Variants in SYNE2 observed in about 807,000 individuals in gnomAD.
SYNE2 encodes the protein nesprin-2.
SYNE2 carries 431 observed loss-of-function variants against 856.3 expected under a neutral mutation model. That is an observed-to-expected ratio of 0.50 (90% CI 0.47 to 0.55). SYNE2 has a LOEUF of 0.55. Among genes scored for constraint, SYNE2 ranks in the 20% least tolerant of loss-of-function variants. The probability of loss-of-function intolerance (pLI) is 0.00; values close to 1 mark genes in which losing one functional copy is unlikely to be tolerated. For synonymous variants in SYNE2, 2,923 were observed against 2,872.3 expected (o/e 1.02, Z -0.56); for missense variants, 8,129 against 8,023.2 (o/e 1.01, Z -0.50).
At chr14:64,117,709 T>C (rs780045309) in intron 66 of SYNE2, among the ~76,000 whole-genome samples, 2 of 152,098 alleles carry the variant, frequency 1.3e-5, no homozygotes, top group Non-Finnish European at 2.9e-5. Context: ...TCACATGAGG[T>C]TGGGTGTGGA....
intron 83 of SYNE2, among the ~76,000 whole-genome samples, chr14:64,145,705 ACT>A (rs2098178809): frequency 6.6e-6 from 1 of 152,088 alleles, no homozygotes; most frequent in South Asian, 2.1e-4. Context: ...ATTTTAAGCA[ACT>A]CTAATGCAGA....
intron 8 of SYNE2, among the ~76,000 whole-genome samples, chr14:63,957,916 T>C (rs28685013): frequency 0.2 from 29,683 of 151,922 alleles, 3,300 homozygotes; most frequent in African/African-American, 0.31. Flanking sequence ...ATTATACATA[T>C]AAAGTATTTG....
At chr14:63,844,632 G>A (rs971204916) in intron 1 of SYNE2, among the ~76,000 whole-genome samples, 1 of 152,148 alleles carries the variant, frequency 6.6e-6, no homozygotes, top group Non-Finnish European at 1.5e-5. Flanking sequence ...ATTCATAAAT[G>A]AGAGTAGTTT....
intron 46 of SYNE2, 49 bp from the exon 47 acceptor site, chr14:64,049,562 G>A (rs748808200): frequency 6.3e-7 from 1 of 1,586,182 alleles, no homozygotes; most frequent in South Asian, 1.1e-5. Flanking sequence ...ATGAATTAAT[G>A]CATAAATAAG....
rs1426405123 is a variant in SYNE2 at position 64,021,980 on chromosome 14, A to C, written c.5476A>C (p.Asn1826His). 1 of 1,613,868 alleles carries C rather than the reference A, an allele frequency of 6.2e-7. No individual in the cohort carries two copies. The highest frequency in any genetic ancestry group is 8.5e-7 in the Non-Finnish European group (1 of 1,179,864). The change falls in exon 37 of 116, where the codon AAT becomes CAT. Residue 1826 changes from asparagine to histidine, a missense_variant. Physicochemically the swap from Asn to His is moderately conservative, Grantham distance 68. Coordinates refer to ENST00000555002, the MANE Select transcript of SYNE2 (RefSeq NM_182914.3). ...ATATGAAAGTGTCAGTGATTTATTT[A>C]ATACCAAAAAAAGTGTTTTGCAAGA... ...KQYESVSDLF[N>H]TKKSVLQDHF... is the part of the protein sequence containing the mutation.
chr14:64,012,658 A>G lies in SYNE2; in HGVS notation c.4728+2542A>G, dbSNP rs569025289. ...CTTTCCTTATTTTATTAAAATGAGAATTGTACCTCTAGTATATGGGTACTT... is the reference window on the plus strand; with the variant it reads ...CTTTCCTTATTTTATTAAAATGAGAGTTGTACCTCTAGTATATGGGTACTT... On this transcript the variant is annotated intron_variant, in intron 32 of 115. Transcript: ENST00000555002. 3.9e-4 allele frequency among the ~76,000 whole-genome samples: 59 copies of G among 152,344 alleles called. 1 individual carries two copies. Among genetic ancestry groups the G allele is most frequent in the African/African-American group, 1.3e-3 (53 of 41,590 alleles).
chr14:64,177,756 C>T (rs1417010327), intron 96 of SYNE2, among the ~76,000 whole-genome samples: 3 of 152,134 alleles, frequency 2.0e-5, no homozygotes, highest in Non-Finnish European at 4.4e-5. Flanking sequence ...CTGTCTGCTC[C>T]TCCTCTGTAA....
intron 25 of SYNE2, 103 bp from the exon 26 acceptor site, chr14:63,998,116 G>A (rs903146638): frequency 2.3e-6 from 2 of 860,674 alleles, no homozygotes; most frequent in Admixed American, 3.8e-5. Context: ...CCTGGTTTGA[G>A]GTATAAAGAA....
chr14:63,955,991 T>C (rs1345402524), intron 8 of SYNE2, among the ~76,000 whole-genome samples: 2 of 152,252 alleles, frequency 1.3e-5, no homozygotes, highest in Non-Finnish European at 1.5e-5. Context: ...CTTTGCTGAA[T>C]TGAATACTAG....
upstream of SYNE2, among the ~76,000 whole-genome samples, chr14:63,848,617 C>T (rs1404655196): frequency 2.6e-5 from 4 of 152,182 alleles, no homozygotes; most frequent in East Asian, 3.8e-4. Context: ...AATTCAGGGA[C>T]GGACACTACC....
chr14:63,895,800 GA>G (rs1264574443), intron 1 of SYNE2, among the ~76,000 whole-genome samples: 1 of 130,840 alleles, frequency 7.6e-6, no homozygotes, highest in African/African-American at 2.9e-5. Context: ...AAAAAACCTA[GA>G]AAAAATTTAC....
chr14:64,080,538 C>T lies in SYNE2; in HGVS notation c.11246C>T (p.Pro3749Leu). The change falls in exon 56 of 116, where the codon CCA becomes CTA. Residue 3749 changes from proline (P) to leucine (L), a missense_variant. Pro to Leu is a moderately conservative substitution (Grantham distance 98). Coordinates refer to ENST00000555002, the MANE Select transcript of SYNE2 (RefSeq NM_182914.3). ...GTTCAGGACATTGTTGAACAGGACC[C>T]AGGACAGGCTCAAGAATGGATGGAT... ...SEVQDIVEQD[P>L]GQAQEWMDNL... 6.2e-7 allele frequency: 1 copy of T among 1,614,098 alleles called. No homozygotes were observed. The highest frequency in any genetic ancestry group is 8.5e-7 in the Non-Finnish European group (1 of 1,180,028).
chr14:64,002,911 A>G lies in SYNE2; in HGVS notation c.3978A>G (p.Glu1326=), dbSNP rs1054631782. 4.3e-6 allele frequency: 7 copies of G among 1,614,116 alleles called. No individual in the cohort carries two copies. The highest frequency in any genetic ancestry group is 2.2e-5 in the East Asian group (1 of 44,900). ...GTGAAGATACTCTCAAAGCTCTGGA[A>G]GACTTTTTGGCGTCTCTCAGAACAG... ...QRSEDTLKAL[E]DFLASLRTAK... The change falls in exon 30 of 116, where the codon GAA becomes GAG. Residue 1326 remains glutamate, a synonymous_variant. Coordinates refer to ENST00000555002, the MANE Select transcript of SYNE2 (RefSeq NM_182914.3).
At chr14:63,969,963 C>T (rs2096453158) in intron 11 of SYNE2, among the ~76,000 whole-genome samples, 3 of 152,230 alleles carry the variant, frequency 2.0e-5, no homozygotes, top group African/African-American at 7.2e-5. Context: ...CTGAGGACTT[C>T]TACCATTATG....
intron 5 of SYNE2, 38 bp downstream of exon 5, chr14:63,942,000 T>A (rs753467863): frequency 6.2e-7 from 1 of 1,601,054 alleles, no homozygotes; most frequent in Non-Finnish European, 8.6e-7. Context: ...ACAGGAGAGA[T>A]TAATGCTCTG....
chr14:64,183,246 G>A (rs2098469858), intron 96 of SYNE2, among the ~76,000 whole-genome samples: 1 of 150,032 alleles, frequency 6.7e-6, no homozygotes, highest in Non-Finnish European at 1.5e-5. Flanking sequence ...AGACGGGGCG[G>A]CCGGGCAGAG....
chr14:64,214,786 C>T (rs866288830), intron 106 of SYNE2, among the ~76,000 whole-genome samples: 1 of 152,200 alleles, frequency 6.6e-6, no homozygotes, highest in African/African-American at 2.4e-5. Flanking sequence ...GTCACCCAGG[C>T]TGAGGTGCAG....
intron 57 of SYNE2, among the ~76,000 whole-genome samples, chr14:64,083,398 A>G (rs1039198757): frequency 6.8e-6 from 1 of 148,092 alleles, no homozygotes; most frequent in African/African-American, 2.5e-5. Context: ...AATGCTTATT[A>G]TGAGTTAAAA....
intron 23 of SYNE2, among the ~76,000 whole-genome samples, chr14:63,995,701 C>G (rs768261988): frequency 1.3e-5 from 2 of 151,172 alleles, no homozygotes; most frequent in Non-Finnish European, 2.9e-5. Context: ...CTGTCAGTCT[C>G]TCTTGCTTTA....
Sources: gnomAD v4.1 joint callset for allele counts (sites outside exome capture counted in the v4.1 genomes callset) on GRCh38, gnomAD v4.1.1 for gene constraint, MANE v1.5 for transcripts, NCBI Gene and HGNC (gene_info 2026-07-23, HGNC 2026-07-21) for gene names.